DENND2C: variants seen among roughly 807,000 people sequenced by gnomAD.
DENND2C encodes DENN domain-containing protein 2C.
A neutral mutation model predicts 112.4 loss-of-function variants in DENND2C; 72 were observed. The observed-to-expected ratio is 0.64, with a 90% CI of 0.53 to 0.78. DENND2C has a LOEUF of 0.78. DENND2C is among the 30% of genes least tolerant of loss of function. DENND2C has a pLI of 0.00. For synonymous variants in DENND2C, 329 were observed against 381.6 expected (o/e 0.86, Z 1.61); for missense variants, 992 against 1,113.8 (o/e 0.89, Z 1.56).
chr1:114,615,510 A>C (rs931488565), intron 8 of DENND2C, among the ~76,000 whole-genome samples: 1 of 152,218 alleles, frequency 6.6e-6, no homozygotes, highest in African/African-American at 2.4e-5. Context: ...TACGTTATAC[A>C]TGAGATAAAA....
chr1:114,599,398 C>T lies in DENND2C; in HGVS notation c.2159G>A (p.Trp720Ter). 1 of 1,614,026 alleles carries T rather than the reference C, an allele frequency of 6.2e-7. No homozygotes were observed. Among genetic ancestry groups the T allele is most frequent in the Non-Finnish European group, 8.5e-7 (1 of 1,179,980 alleles). ...CAGGACTGGGATATAGGTATGCTGC[C>T]AGGTGAACGGATACAGTGTAGCTAC... ...AVVATLYPFTWQHTYIPVLPA... is the reference protein window; with the variant it reads ...AVVATLYPFT Residue 720 changes from tryptophan to a stop codon, truncating the protein, a stop_gained, in exon 16 of 21, where the codon TGG (tryptophan) becomes TAG (stop). Transcript: ENST00000393274. LOFTEE classifies it high-confidence loss of function.
rs143464119 is a variant in DENND2C at position 114,654,293 on chromosome 1, G to A, written c.-317+212C>T. On this transcript the variant is annotated intron_variant, in intron 2 of 20. Coordinates refer to ENST00000393274, the MANE Select transcript of DENND2C (RefSeq NM_001256404.2). ...TAAAAATACAAATAATTAGCCGGGC[G>A]TGGTGGTGGGCACCTGTAGTCCCAG... 6.5e-3 allele frequency among the ~76,000 whole-genome samples: 994 copies of A among 152,194 alleles called. 18 individuals are homozygous for A. Among genetic ancestry groups the A allele is most frequent in the African/African-American group, 0.022 (932 of 41,520 alleles).
In DENND2C at chr1:114,622,025, T is replaced by G; in HGVS notation, c.1097A>C (p.Glu366Ala). The change falls in exon 7 of 21, where the codon GAA (glutamate) becomes GCA (alanine). Residue 366 changes from glutamate (E) to alanine (A), a missense_variant. By Grantham distance (107) the Glu-to-Ala change is moderately radical (BLOSUM62 -1). Transcript: ENST00000393274. ...CAAATAAGCCTGTGAGTTCTTTACTTCCATAGTCTTCCGGTGAAGGAACTG... is the reference window on the plus strand; with the variant it reads ...CAAATAAGCCTGTGAGTTCTTTACTGCCATAGTCTTCCGGTGAAGGAACTG... The part of the protein sequence containing the change: ...KPQFLHRKTM[E>A]VKNSQAYLRS... The G allele has an allele frequency of 6.5e-7, 1 of 1,549,662 alleles. No individual in the cohort carries two copies. The highest frequency in any genetic ancestry group is 1.4e-5 in the African/African-American group (1 of 73,016).
chr1:114,636,386 C>T (rs1378569391), intron 3 of DENND2C, among the ~76,000 whole-genome samples: 1 of 152,170 alleles, frequency 6.6e-6, no homozygotes, highest in Non-Finnish European at 1.5e-5. Flanking sequence ...TTTACAAAGG[C>T]CAGGTGCAGT....
At chr1:114,608,964 T>C in intron 9 of DENND2C, 91 bp from the exon 10 acceptor site, 1 of 1,320,236 alleles carries the variant, frequency 7.6e-7, no homozygotes, top group South Asian at 1.2e-5. Flanking sequence ...GGATTAATCT[T>C]CACACAGTCA....
Position 114,618,303 on chromosome 1 carries a change from CA to C in DENND2C, c.1324+82del, listed in dbSNP as rs1489391547. 2.9e-6 allele frequency: 3 copies of C among 1,036,028 alleles called. No homozygotes were observed. The African/African-American group carries it at 5.0e-5, about 17-fold the overall frequency. 64.2% of individuals were successfully genotyped at this position (1,036,028 alleles called of 1,614,324 possible). On this transcript the variant is annotated intron_variant, in intron 8 of 20. Transcript: ENST00000393274. ...ACGCCCGGCCCCAAAATTTTTAATA[CA>C]CATCAAACATTAAGTTATATGGTGA...
Position 114,608,718 on chromosome 1 carries a change from T to G in DENND2C, c.1525A>C (p.Ile509Leu). The part of the protein sequence containing the change: ...LQKKPSGISY[I>L]PQVIQQFPGK... ...GGGAATTGTTGTATGACCTGGGGAA[T>G]ATAGCTTATTCCTGATGGTTTCTTC... Residue 509 changes from isoleucine to leucine, a missense_variant, in exon 10 of 21, where the codon ATT becomes CTT. Coordinates refer to ENST00000393274, the MANE Select transcript of DENND2C (RefSeq NM_001256404.2). 2 of 1,614,164 alleles carry G rather than the reference T, an allele frequency of 1.2e-6. No individual in the cohort carries two copies. Among genetic ancestry groups the G allele is most frequent in the Non-Finnish European group, 1.7e-6 (2 of 1,180,026 alleles).
At chr1:114,627,105 C>T (rs371099183) in intron 3 of DENND2C, among the ~76,000 whole-genome samples, 3 of 152,162 alleles carry the variant, frequency 2.0e-5, no homozygotes, top group African/African-American at 4.8e-5. Flanking sequence ...ACCTATTTGA[C>T]GACTGGACTT....
intron 1 of DENND2C, among the ~76,000 whole-genome samples, chr1:114,660,465 CAG>C (rs1657462116): frequency 6.6e-6 from 1 of 152,160 alleles, no homozygotes; most frequent in Non-Finnish European, 1.5e-5. Context: ...CCTGGACATT[CAG>C]AAGAAAGCAG....
chr1:114,656,694 C>A (rs888016059), intron 1 of DENND2C, among the ~76,000 whole-genome samples: 3 of 151,958 alleles, frequency 2.0e-5, no homozygotes, highest in Non-Finnish European at 4.4e-5. Context: ...CCGCACCCGG[C>A]CTAAACATTC....
chr1:114,601,555 C>T lies in DENND2C; in HGVS notation c.1768G>A (p.Val590Ile). Residue 590 changes from valine to isoleucine, a missense_variant, in exon 13 of 21, where the codon GTA (valine) becomes ATA (isoleucine). Physicochemically the swap from Val to Ile is conservative, Grantham distance 29. Transcript: ENST00000393274. The stretch of plus-strand genomic sequence containing the variant: ...CCTAGGCGACTAACCATGCAGTATA[C>T]CTCAGGGAGTCGCTTTCCTTTGCCT... Reference protein sequence around the residue: ...PVGKGKRLPEVYCMVSRLGCF... With the variant: ...PVGKGKRLPEIYCMVSRLGCF... The T allele has an allele frequency of 1.2e-6, 2 of 1,613,362 alleles. No homozygotes were observed. Among genetic ancestry groups the T allele is most frequent in the Non-Finnish European group, 1.7e-6 (2 of 1,179,624 alleles).
intron 7 of DENND2C, 30 bp from the exon 8 acceptor site, chr1:114,618,512 A>G (rs778439374): frequency 7.2e-7 from 1 of 1,394,928 alleles, no homozygotes; most frequent in South Asian, 1.4e-5. Flanking sequence ...ATACAAATTA[A>G]GACCAACACC....
At chr1:114,609,462 GA>G (rs1655754458) in intron 9 of DENND2C, among the ~76,000 whole-genome samples, 1 of 152,100 alleles carries the variant, frequency 6.6e-6, no homozygotes, top group South Asian at 2.1e-4. Flanking sequence ...ACACACAAGA[GA>G]AAAAAATTAA....
intron 8 of DENND2C, among the ~76,000 whole-genome samples, chr1:114,618,001 T>C (rs948057380): frequency 6.6e-6 from 1 of 152,008 alleles, no homozygotes; most frequent in Non-Finnish European, 1.5e-5. Context: ...TTTTTTTTTT[T>C]TTTTTGAGAT....
chr1:114,592,177 G>T (rs961872618), intron 18 of DENND2C, among the ~76,000 whole-genome samples: 1 of 152,012 alleles, frequency 6.6e-6, no homozygotes, highest in African/African-American at 2.4e-5. Flanking sequence ...GAGCCACCGT[G>T]CCCGGCCCTA....
chr1:114,606,410 T>C (rs1281406589), intron 10 of DENND2C, among the ~76,000 whole-genome samples: 1 of 152,178 alleles, frequency 6.6e-6, no homozygotes, highest in Non-Finnish European at 1.5e-5. Flanking sequence ...CCAGTACAGT[T>C]GTACTTCACC....
At chr1:114,595,709 T>C (rs927237859) in intron 17 of DENND2C, 123 bp downstream of exon 17, 3 of 854,942 alleles carry the variant, frequency 3.5e-6, no homozygotes, top group Admixed American at 2.1e-5. Context: ...AATTCAAGTA[T>C]GTGTAGGAAC....
At chr1:114,633,142 G>A (rs1162857058) in intron 3 of DENND2C, among the ~76,000 whole-genome samples, 1 of 152,054 alleles carries the variant, frequency 6.6e-6, no homozygotes, top group Non-Finnish European at 1.5e-5. Flanking sequence ...AACCCACAAT[G>A]GAACTGAATT....
chr1:114,612,898 T>G (rs1456898533), intron 8 of DENND2C, among the ~76,000 whole-genome samples: 3 of 152,086 alleles, frequency 2.0e-5, no homozygotes, highest in Non-Finnish European at 4.4e-5. Context: ...TGGGGTCAAG[T>G]GATCCACCCG....
Sources: allele counts gnomAD v4.1 joint callset (sites outside exome capture counted in the v4.1 genomes callset), GRCh38; gene constraint gnomAD v4.1.1; transcripts MANE v1.5; gene names NCBI Gene and HGNC (gene_info 2026-07-23, HGNC 2026-07-21).